HMGCLL1: variants seen among roughly 807,000 people sequenced by gnomAD.
HMGCLL1 encodes 3-hydroxymethyl-3-methylglutaryl-CoA lyase, cytoplasmic.
In HMGCLL1, 36 loss-of-function variants were observed where a neutral mutation model predicts 39.1. The observed-to-expected ratio is 0.92, with a 90% CI of 0.71 to 1.22. The LOEUF is 1.22. Ranked by LOEUF, HMGCLL1 falls within the 50% of genes most tolerant of loss-of-function variation. The pLI, the probability that HMGCLL1 is intolerant of heterozygous loss-of-function variation, is 0.00. For synonymous variants in HMGCLL1, 149 were observed against 144.0 expected, an observed-to-expected ratio of 1.03 and a Z score of -0.25; for missense variants, 451 against 416.5, an observed-to-expected ratio of 1.08 and a Z score of -0.72.
chr6:55,538,163 G>A (rs73449086), intron 3 of HMGCLL1, among the ~76,000 whole-genome samples: 3,889 of 152,134 alleles, frequency 0.026, 164 homozygotes, highest in African/African-American at 0.089. Context: ...ATACTAGAAG[G>A]TGGCCATGAA....
At chr6:55,578,197 CA>C (rs1771849902) in intron 1 of HMGCLL1, among the ~76,000 whole-genome samples, 1 of 152,130 alleles carries the variant, frequency 6.6e-6, no homozygotes, top group Non-Finnish European at 1.5e-5. Flanking sequence ...TTCCATGTTT[CA>C]ACATTTTCAT....
chr6:55,654,077 A>T, the HMGCLL1 span, among the ~76,000 whole-genome samples: 1 of 151,966 alleles, frequency 6.6e-6, no homozygotes, highest in Non-Finnish European at 1.5e-5. Context: ...TCATCATTTG[A>T]GTATCAGCTA....
the HMGCLL1 span, among the ~76,000 whole-genome samples, chr6:55,618,398 T>C: frequency 6.6e-6 from 1 of 151,920 alleles, no homozygotes; most frequent in Non-Finnish European, 1.5e-5. Flanking sequence ...AATAAAATTA[T>C]TCTCTAGTGG....
the HMGCLL1 span, among the ~76,000 whole-genome samples, chr6:55,590,127 G>A: frequency 6.6e-6 from 1 of 152,134 alleles, no homozygotes; most frequent in Admixed American, 6.6e-5. Context: ...AAAGCTGGAG[G>A]CATCATGCTC....
chr6:55,609,133 C>G, the HMGCLL1 span, among the ~76,000 whole-genome samples: 11 of 152,348 alleles, frequency 7.2e-5, no homozygotes, highest in East Asian at 2.1e-3. Flanking sequence ...TGCAGATTCT[C>G]AGCCTCCTCT....
chr6:55,611,016 C>T, the HMGCLL1 span, among the ~76,000 whole-genome samples: 2 of 152,252 alleles, frequency 1.3e-5, no homozygotes, highest in African/African-American at 2.4e-5. Context: ...GGAAGTAAAA[C>T]ACTCCTCAGC....
the HMGCLL1 span, among the ~76,000 whole-genome samples, chr6:55,620,748 T>G: frequency 3.3e-5 from 5 of 152,130 alleles, no homozygotes; most frequent in Non-Finnish European, 7.4e-5. Context: ...AGGTCTCAGA[T>G]TTAAATTTTT....
intron 2 of HMGCLL1, 60 bp from the exon 3 acceptor site, chr6:55,541,896 G>T (rs1392937807): frequency 6.5e-6 from 7 of 1,077,028 alleles, no homozygotes; most frequent in Admixed American, 2.2e-5. Flanking sequence ...AGCACAAACA[G>T]AAAATTACTT....
chr6:55,514,807 C>T (rs1012354775), intron 4 of HMGCLL1, among the ~76,000 whole-genome samples: 1 of 152,064 alleles, frequency 6.6e-6, no homozygotes, highest in African/African-American at 2.4e-5. Flanking sequence ...CCTTTTTGCA[C>T]TTTTTGTCAA....
intron 1 of HMGCLL1, among the ~76,000 whole-genome samples, chr6:55,568,468 G>A (rs145544502): frequency 6.6e-6 from 1 of 152,056 alleles, no homozygotes; most frequent in Non-Finnish European, 1.5e-5. Flanking sequence ...TGATTCCTGA[G>A]GAAGCTAAAT....
intron 7 of HMGCLL1, among the ~76,000 whole-genome samples, chr6:55,461,258 GA>G (rs1316460001): frequency 1.3e-5 from 2 of 151,834 alleles, no homozygotes; most frequent in Non-Finnish European, 2.9e-5. Context: ...AGAGTCAAAA[GA>G]AGAAATATGT....
chr6:55,642,670 C>T, the HMGCLL1 span, among the ~76,000 whole-genome samples: 1 of 152,000 alleles, frequency 6.6e-6, no homozygotes, highest in Admixed American at 6.6e-5. Flanking sequence ...GGTACATGTG[C>T]AGGCTTGTTG....
At chr6:55,646,866 T>A in the HMGCLL1 span, among the ~76,000 whole-genome samples, 1 of 152,058 alleles carries the variant, frequency 6.6e-6, no homozygotes, top group Non-Finnish European at 1.5e-5. Context: ...TCTACATCTA[T>A]TGGATGAAAT....
At chr6:55,489,049 A>C (rs963076345) in intron 7 of HMGCLL1, among the ~76,000 whole-genome samples, 1 of 152,046 alleles carries the variant, frequency 6.6e-6, no homozygotes, top group African/African-American at 2.4e-5. Context: ...GTTTATGTTC[A>C]GTACAACACT....
At position 55,502,713 on chromosome 6, in the gene HMGCLL1, G is replaced by GTT. The variant is rs77793967; in HGVS notation, c.543-3416_543-3415dup. Reference sequence around the variant, plus strand: ...TAATTTTGTTTTCTGTAAAGATCTGGTTTTTTTTTTTTTGCTTGCATTGTG... The same window carrying GTT: ...TAATTTTGTTTTCTGTAAAGATCTGGTTTTTTTTTTTTTTTGCTTGCATTGTG... On this transcript the variant is annotated intron_variant, in intron 5 of 8. Transcript: ENST00000274901. Among the ~76,000 whole-genome samples the GTT allele has an allele frequency of 3.1e-3, 460 of 147,578 alleles. 5 individuals are homozygous for GTT. The highest frequency in any genetic ancestry group is 0.011 in the African/African-American group (424 of 40,328).
chr6:55,529,456 T>A (rs1768512482), intron 3 of HMGCLL1, among the ~76,000 whole-genome samples: 1 of 151,834 alleles, frequency 6.6e-6, no homozygotes, highest in African/African-American at 2.4e-5. Flanking sequence ...ACTAACTCAC[T>A]GGTAATAAGA....
At chr6:55,606,776 G>A in the HMGCLL1 span, among the ~76,000 whole-genome samples, 1 of 152,076 alleles carries the variant, frequency 6.6e-6, no homozygotes, top group Admixed American at 6.6e-5. Flanking sequence ...ATGTGATTAA[G>A]ATAAAGGATT....
chr6:55,520,282 G>GA (rs948258129), intron 3 of HMGCLL1, among the ~76,000 whole-genome samples: 4 of 135,644 alleles, frequency 2.9e-5, no homozygotes, highest in African/African-American at 8.2e-5. Context: ...ATAAATAAAA[G>GA]AAAAAAAAGG....
intron 3 of HMGCLL1, among the ~76,000 whole-genome samples, chr6:55,528,259 T>C (rs1768428754): frequency 6.6e-6 from 1 of 151,964 alleles, no homozygotes; most frequent in Admixed American, 6.6e-5. Flanking sequence ...GAAAGAGACA[T>C]AGAGCATGCA....
Sources: gnomAD v4.1 joint callset for allele counts (sites outside exome capture counted in the v4.1 genomes callset) on GRCh38, gnomAD v4.1.1 for gene constraint, MANE v1.5 for transcripts, NCBI Gene and HGNC (gene_info 2026-07-23, HGNC 2026-07-21) for gene names.